The following CASP10 variants were observed in gnomAD, a reference collection of about 807,000 sequenced individuals.
The protein encoded by CASP10 is caspase-10.
A neutral mutation model predicts 48.5 loss-of-function variants in CASP10; 41 were observed. The observed-to-expected ratio is 0.85, with a 90% CI of 0.66 to 1.10. The LOEUF is 1.10. CASP10 is among the 50% of genes least tolerant of loss of function. CASP10 has a pLI of 0.00. For synonymous variants in CASP10, 232 were observed against 238.4 expected (o/e 0.97, Z 0.25); for missense variants, 614 against 614.5 (o/e 1.00, Z 0.01).
At position 201,209,146 on chromosome 2, in the gene CASP10, G is replaced by A; in HGVS notation, c.999G>A (p.Glu333=). The change falls in exon 9 of 10, where the codon GAG becomes GAA. Residue 333 remains glutamate, a synonymous_variant. Transcript: ENST00000286186. ...IHNNVTKVEM[E]MVLQKQKCNP... is the part of the protein sequence containing the mutation. ...ATAATGTGACGAAAGTGGAAATGGA[G>A]ATGGTCCTGCAGAAGCAGAAGTGCA... 6.2e-6 allele frequency: 10 copies of A among 1,612,112 alleles called. No homozygotes were observed. The highest frequency in any genetic ancestry group is 8.5e-6 in the Non-Finnish European group (10 of 1,179,272).
chr2:201,184,653 T>C (rs1269943307), intron 1 of CASP10, among the ~76,000 whole-genome samples: 1 of 152,220 alleles, frequency 6.6e-6, no homozygotes, highest in Non-Finnish European at 1.5e-5. Flanking sequence ...TATTTTCTTG[T>C]TTCTAAAAAT....
chr2:201,198,836 G>T (rs537387980), intron 5 of CASP10, among the ~76,000 whole-genome samples: 3 of 152,168 alleles, frequency 2.0e-5, no homozygotes, highest in African/African-American at 7.2e-5. Context: ...CACCGCGCCC[G>T]GCCTATATTT....
At chr2:201,204,823 G>A (rs575885162) in intron 6 of CASP10, among the ~76,000 whole-genome samples, 3 of 152,146 alleles carry the variant, frequency 2.0e-5, no homozygotes, top group East Asian at 3.9e-4. Context: ...GTGACTTCCC[G>A]TGGAGCATTA....
intron 5 of CASP10, among the ~76,000 whole-genome samples, chr2:201,199,891 G>A (rs573602845): frequency 6.6e-6 from 1 of 152,126 alleles, no homozygotes; most frequent in South Asian, 2.1e-4. Flanking sequence ...CTTTAATCTT[G>A]AACATTTCCA....
Position 201,219,705 on chromosome 2 carries a change from CTTTTT to C in CASP10, c.*1978_*1982del. On this transcript the variant is annotated 3_prime_UTR_variant, in exon 10 of 10. Coordinates refer to ENST00000286186, the MANE Select transcript of CASP10 (RefSeq NM_032977.4). The stretch of plus-strand genomic sequence containing the variant: ...TTTTGAGCATTTTTACGTACTTGAG[CTTTTT>C]TTTTTTTTTTTTTCAATTTCTAGAG... 7 of 861,852 alleles carry C rather than the reference CTTTTT, an allele frequency of 8.1e-6. No homozygotes were observed. Among genetic ancestry groups the C allele is most frequent in the Non-Finnish European group, 9.5e-6 (7 of 737,048 alleles). The allele number at this position is 861,852 out of a possible 1,614,324, so 53.4% of individuals were successfully genotyped here. A position where few individuals can be genotyped will look rare whatever the true frequency, so the allele number is the denominator to read the frequency against.
At chr2:201,188,636 C>CT (rs1275921627) in intron 3 of CASP10, among the ~76,000 whole-genome samples, 1 of 152,174 alleles carries the variant, frequency 6.6e-6, no homozygotes, top group Admixed American at 6.5e-5. Flanking sequence ...TGATTGCACA[C>CT]TCGTGGTGCA....
intron 5 of CASP10, among the ~76,000 whole-genome samples, chr2:201,197,880 G>A (rs939179974): frequency 6.6e-6 from 1 of 152,182 alleles, no homozygotes; most frequent in Admixed American, 6.5e-5. Context: ...TCCATAAGTG[G>A]AAATGGTGGA....
Position 201,202,990 on chromosome 2 carries a change from A to G in CASP10, c.685-740A>G, listed in dbSNP as rs41343445. Among the ~76,000 whole-genome samples the G allele has an allele frequency of 4.8e-3, 730 of 152,290 alleles. 3 individuals carry two copies. The highest frequency in any genetic ancestry group is 7.6e-3 in the Non-Finnish European group (515 of 68,016). ...TACTTTTGAAAAAAATCCAACGTAT[A>G]TCTTCCCTTTATTACAAAAGAGGTA... On this transcript the variant is annotated intron_variant, in intron 5 of 9. Transcript: ENST00000286186.
At chr2:201,200,630 T>TA in intron 5 of CASP10, 1 of 1,446,962 alleles carries the variant, frequency 6.9e-7, no homozygotes. Context: ...CAGGTGGAGG[T>TA]ATTTAGGCAT....
exon 10 of CASP10, chr2:201,228,958 A>T (rs748395033): frequency 2.5e-6 from 4 of 1,614,126 alleles, no homozygotes; most frequent in Non-Finnish European, 3.4e-6. Flanking sequence ...GGAAAAGACA[A>T]TGGAAATCAG....
At chr2:201,228,917 T>C (rs760008983) in intron 9 of CASP10, 1 of 1,613,674 alleles carries the variant, frequency 6.2e-7, no homozygotes, top group East Asian at 2.2e-5. Context: ...CTTTTATTTC[T>C]CTTTGTGCTC....
chr2:201,195,713 C>A, intron 4 of CASP10, 129 bp from the exon 5 acceptor site: 1 of 746,210 alleles, frequency 1.3e-6, no homozygotes, highest in Non-Finnish European at 2.5e-6. Flanking sequence ...GACTCCTACT[C>A]TGTCCCCAGG....
chr2:201,222,629 T>G (rs530238085), downstream of CASP10, among the ~76,000 whole-genome samples: 290 of 152,264 alleles, frequency 1.9e-3, 2 homozygotes, highest in African/African-American at 6.8e-3. Flanking sequence ...TTTATTAGAG[T>G]CATAGCACCT....
intron 6 of CASP10, among the ~76,000 whole-genome samples, chr2:201,204,726 T>C (rs1321450156): frequency 6.6e-6 from 1 of 152,212 alleles, no homozygotes; most frequent in Non-Finnish European, 1.5e-5. Context: ...AGTGTCTATT[T>C]ATGTGAGCTC....
chr2:201,200,461 T>A, intron 5 of CASP10: 1 of 1,598,340 alleles, frequency 6.3e-7, no homozygotes, highest in Non-Finnish European at 8.5e-7. Flanking sequence ...TTTTGTTTTT[T>A]TAAATGAAGG....
At chr2:201,228,891 C>T in intron 9 of CASP10, 2 of 1,601,276 alleles carry the variant, frequency 1.2e-6, no homozygotes, top group Non-Finnish European at 8.5e-7. Context: ...TGAAAAACCA[C>T]TCAGTCAAAG....
Position 201,220,198 on chromosome 2 carries a change from C to A in CASP10, c.*2457C>A. On this transcript the variant is annotated 3_prime_UTR_variant, in exon 10 of 10. Coordinates refer to ENST00000286186, the MANE Select transcript of CASP10 (RefSeq NM_032977.4). ...GGAACACCGTCATCTTAGACAAACA[C>A]CGCCACTTTAAGTTCCAGTTCCCTT... is the stretch of plus-strand genomic sequence containing the variant. 1.0e-6 allele frequency: 1 copy of A among 956,888 alleles called. No homozygotes were observed. Among genetic ancestry groups the A allele is most frequent in the Non-Finnish European group, 1.2e-6 (1 of 803,904 alleles). 59.3% of individuals were successfully genotyped at this position (956,888 alleles called of 1,614,324 possible).
chr2:201,225,719 C>T (rs1185823862), downstream of CASP10, among the ~76,000 whole-genome samples: 2 of 152,188 alleles, frequency 1.3e-5, no homozygotes, highest in Non-Finnish European at 2.9e-5. Context: ...CGCCTGTAAT[C>T]CCAGAACTTT....
rs1389195551 is a variant in CASP10 at position 201,221,392 on chromosome 2, C to T, written c.*3651C>T. 3.5e-6 allele frequency: 2 copies of T among 563,870 alleles called. No homozygotes were observed. Among genetic ancestry groups the T allele is most frequent in the East Asian group, 2.9e-4 (2 of 6,880 alleles). 34.9% of individuals were successfully genotyped at this position (563,870 alleles called of 1,614,324 possible). ...ATGGCCTGAAGTAACTGAAGAATCA[C>T]AAAAGAAGTGAAAATGGCCTGTTCC... On this transcript the variant is annotated 3_prime_UTR_variant, in exon 10 of 10. Coordinates refer to ENST00000286186, the MANE Select transcript of CASP10 (RefSeq NM_032977.4).
Sources: gnomAD v4.1 joint callset for allele counts (sites outside exome capture counted in the v4.1 genomes callset) on GRCh38, gnomAD v4.1.1 for gene constraint, MANE v1.5 for transcripts, NCBI Gene and HGNC (gene_info 2026-07-23, HGNC 2026-07-21) for gene names.